Variants in NR3C2 observed in about 807,000 individuals in gnomAD.
NR3C2 encodes the protein nuclear receptor subfamily 3 group C member 2.
In NR3C2, 15 loss-of-function variants were observed where a neutral mutation model predicts 86.4. The observed-to-expected ratio is 0.17, with a 90% CI of 0.12 to 0.27. The LOEUF is 0.27. NR3C2 is among the 10% of genes least tolerant of loss of function. NR3C2 has a pLI of 1.00. For synonymous variants in NR3C2, 458 were observed against 450.5 expected, an observed-to-expected ratio of 1.02 and a Z score of -0.21; for missense variants, 960 against 1,195.6, an observed-to-expected ratio of 0.80 and a Z score of 2.91.
At chr4:148,319,728 G>T (rs1743448701) in intron 2 of NR3C2, among the ~76,000 whole-genome samples, 1 of 150,946 alleles carries the variant, frequency 6.6e-6, no homozygotes, top group Non-Finnish European at 1.5e-5. Context: ...CATTGATTTT[G>T]TATCCTGAGA....
At chr4:148,323,163 T>C (rs1015607152) in intron 2 of NR3C2, among the ~76,000 whole-genome samples, 3 of 148,318 alleles carry the variant, frequency 2.0e-5, no homozygotes, top group Non-Finnish European at 4.5e-5. Context: ...GTGCCTCTGC[T>C]GGGGGGTGCC....
At chr4:148,337,633 T>C (rs1276405757) in intron 2 of NR3C2, among the ~76,000 whole-genome samples, 1 of 152,212 alleles carries the variant, frequency 6.6e-6, no homozygotes, top group African/African-American at 2.4e-5. Flanking sequence ...TAATAAGCTT[T>C]GGTTTCAAGA....
chr4:148,352,593 A>C (rs1745345970), intron 2 of NR3C2, among the ~76,000 whole-genome samples: 1 of 152,174 alleles, frequency 6.6e-6, no homozygotes, highest in Non-Finnish European at 1.5e-5. Context: ...TTGGGAAAAG[A>C]TGAGACATCA....
chr4:148,189,023 G>A (rs1488938093), intron 4 of NR3C2, among the ~76,000 whole-genome samples: 1 of 151,288 alleles, frequency 6.6e-6, no homozygotes, highest in African/African-American at 2.4e-5. Context: ...CGCCTCCTGG[G>A]TTCATGCGAT....
At chr4:148,135,435 AAGG>A (rs1359959645) in intron 6 of NR3C2, among the ~76,000 whole-genome samples, 1 of 152,104 alleles carries the variant, frequency 6.6e-6, no homozygotes, top group African/African-American at 2.4e-5. Context: ...GCCATCTTGG[AAGG>A]AGATGGCAGC....
At chr4:148,323,670 GACTCGGAAAGGGA>G (rs1411911074) in intron 2 of NR3C2, among the ~76,000 whole-genome samples, 1 of 152,072 alleles carries the variant, frequency 6.6e-6, no homozygotes, top group Non-Finnish European at 1.5e-5. Flanking sequence ...CCCTTTCTTT[GACTCGGAAAGGGA>G]ACTCCCTGAC....
intron 3 of NR3C2, among the ~76,000 whole-genome samples, chr4:148,200,215 C>G (rs1489782903): frequency 1.3e-5 from 2 of 152,208 alleles, no homozygotes; most frequent in East Asian, 3.9e-4. Context: ...GTCGCCAATG[C>G]CCTGCGGGCT....
chr4:148,102,419 C>T (rs1193716099), intron 8 of NR3C2, among the ~76,000 whole-genome samples: 9 of 152,208 alleles, frequency 5.9e-5, no homozygotes, highest in Admixed American at 3.9e-4. Context: ...AAATCCTGTA[C>T]GTCCTAAACA....
chr4:148,302,902 C>T (rs184719055), intron 2 of NR3C2, among the ~76,000 whole-genome samples: 16 of 150,880 alleles, frequency 1.1e-4, no homozygotes, highest in Non-Finnish European at 1.0e-4. Context: ...ACCACATGCT[C>T]TTGAGACCTC....
intron 2 of NR3C2, among the ~76,000 whole-genome samples, chr4:148,263,754 C>T (rs1057119010): frequency 2.6e-5 from 4 of 152,120 alleles, no homozygotes; most frequent in African/African-American, 7.2e-5. Flanking sequence ...CCTAGCATTT[C>T]CTCTCCCTCA....
chr4:148,232,476 T>C (rs1738516235), intron 3 of NR3C2, among the ~76,000 whole-genome samples: 1 of 152,210 alleles, frequency 6.6e-6, no homozygotes, highest in Non-Finnish European at 1.5e-5. Flanking sequence ...AAATATTCAG[T>C]ATACCATGCT....
At chr4:148,380,275 T>C (rs576372049) in intron 2 of NR3C2, among the ~76,000 whole-genome samples, 1 of 152,226 alleles carries the variant, frequency 6.6e-6, no homozygotes, top group Non-Finnish European at 1.5e-5. Context: ...TTATCCATGT[T>C]GTAGCATGTA....
intron 2 of NR3C2, among the ~76,000 whole-genome samples, chr4:148,333,843 G>C (rs903950313): frequency 2.0e-5 from 3 of 152,132 alleles, no homozygotes; most frequent in Non-Finnish European, 4.4e-5. Context: ...GCTGGAATTA[G>C]CCATTTCAAG....
In NR3C2 at chr4:148,435,879, T is replaced by A. The variant is rs1236401614; in HGVS notation, c.982A>T (p.Ser328Cys). 6.2e-7 allele frequency: 1 copy of A among 1,614,090 alleles called. No homozygotes were observed. Among genetic ancestry groups the A allele is most frequent in the Non-Finnish European group, 8.5e-7 (1 of 1,180,024 alleles). ...NRSTLSSPAA[S>C]TVGSICSPVN... Reference sequence around the variant, plus strand: ...GGGCTACAGATAGATCCCACAGTACTGGCTGCCGGACTGGAAAGCGTGGAT... The same window carrying A: ...GGGCTACAGATAGATCCCACAGTACAGGCTGCCGGACTGGAAAGCGTGGAT... The change falls in exon 2 of 9, where the codon AGT (serine) becomes TGT (cysteine). Residue 328 changes from serine to cysteine, a missense_variant. This residue lies in a region of NR3C2 where 680 missense variants were observed against 719.0 expected (regional missense o/e 0.95). Coordinates refer to ENST00000358102, the MANE Select transcript of NR3C2 (RefSeq NM_000901.5).
At chr4:148,424,201 G>A (rs1477160472) in intron 2 of NR3C2, among the ~76,000 whole-genome samples, 2 of 152,196 alleles carry the variant, frequency 1.3e-5, no homozygotes, top group African/African-American at 4.8e-5. Context: ...GATGTTTGGT[G>A]TCTTTAAGAT....
At chr4:148,353,386 C>T (rs116737695) in intron 2 of NR3C2, among the ~76,000 whole-genome samples, 40 of 152,082 alleles carry the variant, frequency 2.6e-4, no homozygotes, top group African/African-American at 9.6e-4. Context: ...TAAGAAACCA[C>T]CTAATAATAG....
chr4:148,336,128 C>T (rs1411284360), intron 2 of NR3C2, among the ~76,000 whole-genome samples: 13 of 152,100 alleles, frequency 8.5e-5, no homozygotes, highest in Non-Finnish European at 4.4e-5. Flanking sequence ...CCTGATTTCC[C>T]GACATCTTCT....
chr4:148,380,054 T>C (rs1746888625), intron 2 of NR3C2, among the ~76,000 whole-genome samples: 1 of 152,240 alleles, frequency 6.6e-6, no homozygotes, highest in African/African-American at 2.4e-5. Context: ...GTATTATAAA[T>C]GCACATAGAC....
chr4:148,126,943 C>T (rs1435636750), intron 6 of NR3C2, among the ~76,000 whole-genome samples: 3 of 152,214 alleles, frequency 2.0e-5, no homozygotes, highest in Non-Finnish European at 4.4e-5. Context: ...CTTCTCCTTT[C>T]TCTGTGTGCC....
Sources: allele counts gnomAD v4.1 joint callset (sites outside exome capture counted in the v4.1 genomes callset), GRCh38; gene constraint gnomAD v4.1.1; regional missense constraint gnomAD v4.1.1; transcripts MANE v1.5; gene names NCBI Gene and HGNC (gene_info 2026-07-23, HGNC 2026-07-21).